TUBA1C: variants seen among roughly 807,000 people sequenced by gnomAD.
The protein encoded by TUBA1C is tubulin alpha-1C chain.
In TUBA1C, 16 loss-of-function variants were observed where a neutral mutation model predicts 34.9. That is an observed-to-expected ratio of 0.46 (90% CI 0.31 to 0.70). TUBA1C has a LOEUF of 0.70. TUBA1C is among the 30% of genes least tolerant of loss of function. The pLI is 0.05. For synonymous variants in TUBA1C, 177 were observed against 215.9 expected (o/e 0.82, Z 1.58); for missense variants, 329 against 587.3 (o/e 0.56, Z 4.55).
intron 1 of TUBA1C, among the ~76,000 whole-genome samples, chr12:49,243,115 C>G (rs1321432006): frequency 6.6e-6 from 1 of 152,084 alleles, no homozygotes; most frequent in African/African-American, 2.4e-5. Context: ...GTCGTGACTT[C>G]CAATTCTAAG....
intron 1 of TUBA1C, among the ~76,000 whole-genome samples, chr12:49,230,138 T>C (rs1942481880): frequency 1.3e-5 from 2 of 151,832 alleles, no homozygotes; most frequent in African/African-American, 4.8e-5. Flanking sequence ...GATCTTTACC[T>C]GGCAGTATGC....
At chr12:49,261,802 C>A (rs1942842937), upstream of TUBA1C, among the ~76,000 whole-genome samples, 1 of 152,130 alleles carries the variant, frequency 6.6e-6, no homozygotes, top group Non-Finnish European at 1.5e-5. Context: ...GTTTTGTGAA[C>A]ATGCTATATG....
At chr12:49,254,216 C>T (rs1942759657) in intron 1 of TUBA1C, among the ~76,000 whole-genome samples, 1 of 152,114 alleles carries the variant, frequency 6.6e-6, no homozygotes, top group South Asian at 2.1e-4. Flanking sequence ...GAGGCTGAGG[C>T]AGGAGAATCG....
In TUBA1C at chr12:49,273,423, T is replaced by A; in HGVS notation, c.*196T>A. 1.0e-6 allele frequency: 1 copy of A among 961,540 alleles called. No homozygotes were observed. Among genetic ancestry groups the A allele is most frequent in the Non-Finnish European group, 1.5e-6 (1 of 648,736 alleles). The allele number at this position is 961,540 out of a possible 1,614,324, so 59.6% of individuals were successfully genotyped here. A position where few individuals can be genotyped will look rare whatever the true frequency, so the allele number is the denominator to read the frequency against. ...CACCTGAGTCGAGGGTCTTGCTCTG[T>A]CACCCAGGCTGGAGTGCAGTGGCAT... On this transcript the variant is annotated 3_prime_UTR_variant, in exon 4 of 4. Coordinates refer to ENST00000301072, the MANE Select transcript of TUBA1C (RefSeq NM_032704.5).
At chr12:49,256,119 G>A (rs975523643) in intron 1 of TUBA1C, among the ~76,000 whole-genome samples, 1 of 152,142 alleles carries the variant, frequency 6.6e-6, no homozygotes, top group African/African-American at 2.4e-5. Context: ...ACAAACAAAC[G>A]AACAACACTA....
At chr12:49,246,412 G>A (rs1403675052) in intron 1 of TUBA1C, among the ~76,000 whole-genome samples, 1 of 151,594 alleles carries the variant, frequency 6.6e-6, no homozygotes, top group Non-Finnish European at 1.5e-5. Flanking sequence ...GGGCGCGGTG[G>A]CTCACGCCTG....
At chr12:49,260,915 T>C (rs989925369), upstream of TUBA1C, among the ~76,000 whole-genome samples, 1 of 152,064 alleles carries the variant, frequency 6.6e-6, no homozygotes, top group African/African-American at 2.4e-5. Flanking sequence ...TTAATTTTCA[T>C]AGAGACAGGG....
At chr12:49,250,332 G>T (rs928518058) in intron 1 of TUBA1C, among the ~76,000 whole-genome samples, 1 of 151,950 alleles carries the variant, frequency 6.6e-6, no homozygotes, top group African/African-American at 2.4e-5. Flanking sequence ...AGACCATCCT[G>T]GCTAACACGA....
Position 49,272,767 on chromosome 12 carries a change from A to G in TUBA1C, c.890A>G (p.Glu297Gly), listed in dbSNP as rs1565651899. Reference protein sequence around the residue: ...TVAEITNACFEPANQMVKCDP... With the variant: ...TVAEITNACFGPANQMVKCDP... Reference sequence around the variant, plus strand: ...GCAGAGATCACCAATGCTTGCTTTGAGCCAGCCAACCAGATGGTGAAATGT... The same window carrying G: ...GCAGAGATCACCAATGCTTGCTTTGGGCCAGCCAACCAGATGGTGAAATGT... Residue 297 changes from glutamate to glycine, a missense_variant, in exon 4 of 4, where the codon GAG becomes GGG. Coordinates refer to ENST00000301072, the MANE Select transcript of TUBA1C (RefSeq NM_032704.5). 2 of 1,613,796 alleles carry G rather than the reference A, an allele frequency of 1.2e-6. No homozygotes were observed. The highest frequency in any genetic ancestry group is 1.7e-6 in the Non-Finnish European group (2 of 1,180,002).
chr12:49,248,587 G>A (rs1460622291), intron 1 of TUBA1C, among the ~76,000 whole-genome samples: 1 of 151,390 alleles, frequency 6.6e-6, no homozygotes, highest in Non-Finnish European at 1.5e-5. Flanking sequence ...AAAAGGGCCG[G>A]GCACGGTGGC....
chr12:49,252,186 A>G (rs1342255672), intron 1 of TUBA1C, among the ~76,000 whole-genome samples: 7 of 152,208 alleles, frequency 4.6e-5, no homozygotes, highest in African/African-American at 1.7e-4. Context: ...AACCAGATGC[A>G]CAGGTTAGGA....
chr12:49,246,049 C>T (rs1284498495), intron 1 of TUBA1C, among the ~76,000 whole-genome samples: 1 of 152,136 alleles, frequency 6.6e-6, no homozygotes, highest in African/African-American at 2.4e-5. Context: ...GGACTACAGG[C>T]ATGCGCCACC....
At chr12:49,228,239 A>C in intron 1 of TUBA1C, 5 of 1,373,102 alleles carry the variant, frequency 3.6e-6, no homozygotes, top group Non-Finnish European at 4.9e-6. Flanking sequence ...GTGTGCATGC[A>C]ACTGATATTT....
At chr12:49,256,327 G>T in intron 1 of TUBA1C, 1 of 416,274 alleles carries the variant, frequency 2.4e-6, no homozygotes, top group Non-Finnish European at 4.9e-6. Flanking sequence ...TAAAGAGAAA[G>T]AACAGCGTGA....
intron 1 of TUBA1C, among the ~76,000 whole-genome samples, chr12:49,268,917 C>T (rs1277779221): frequency 6.6e-6 from 1 of 152,226 alleles, no homozygotes; most frequent in Non-Finnish European, 1.5e-5. Context: ...ATCATATCTA[C>T]TGTGGCTACA....
chr12:49,265,522 C>T (rs1027841858), intron 1 of TUBA1C, among the ~76,000 whole-genome samples: 3 of 152,230 alleles, frequency 2.0e-5, no homozygotes, highest in Non-Finnish European at 4.4e-5. Flanking sequence ...AAAAATCCCT[C>T]CCCACGTTTT....
At chr12:49,268,115 C>T (rs144976892) in intron 1 of TUBA1C, among the ~76,000 whole-genome samples, 1 of 151,934 alleles carries the variant, frequency 6.6e-6, no homozygotes, top group Admixed American at 6.6e-5. Context: ...CACACAGACA[C>T]AGACACAGAG....
intron 1 of TUBA1C, among the ~76,000 whole-genome samples, chr12:49,232,086 C>G (rs534676840): frequency 5.9e-5 from 9 of 152,276 alleles, no homozygotes; most frequent in Middle Eastern, 6.8e-3. Context: ...GCCCTCAGGG[C>G]CACCCAACGC....
intron 1 of TUBA1C, among the ~76,000 whole-genome samples, chr12:49,266,513 G>A (rs1942914779): frequency 6.6e-6 from 1 of 152,034 alleles, no homozygotes; most frequent in South Asian, 2.1e-4. Context: ...GAAATTATAC[G>A]TAACTTGAGT....
Sources: allele counts gnomAD v4.1 joint callset (sites outside exome capture counted in the v4.1 genomes callset), GRCh38; gene constraint gnomAD v4.1.1; transcripts MANE v1.5; gene names NCBI Gene and HGNC (gene_info 2026-07-23, HGNC 2026-07-21).